The following COL22A1 variants were observed in gnomAD, a reference collection of about 807,000 sequenced individuals.
COL22A1 encodes collagen alpha-1(XXII) chain.
A neutral mutation model predicts 248.9 loss-of-function variants in COL22A1; 221 were observed. That is an observed-to-expected ratio of 0.89 (90% CI 0.80 to 0.99). COL22A1 has a LOEUF of 0.99. Among genes scored for constraint, COL22A1 ranks in the 50% least tolerant of loss-of-function variants. The pLI, the probability that COL22A1 is intolerant of heterozygous loss-of-function variation, is 0.00. For synonymous variants in COL22A1, 891 were observed against 793.4 expected (o/e 1.12, Z -2.07); for missense variants, 2,240 against 2,179.0 (o/e 1.03, Z -0.56).
At chr8:138,649,322 G>A (rs1203444863) in intron 46 of COL22A1, among the ~76,000 whole-genome samples, 1 of 152,204 alleles carries the variant, frequency 6.6e-6, no homozygotes, top group Non-Finnish European at 1.5e-5. Context: ...GCCTATCTTG[G>A]TGCCTATTAC....
chr8:138,640,159 A>T (rs1039884655), intron 47 of COL22A1, among the ~76,000 whole-genome samples: 1 of 152,212 alleles, frequency 6.6e-6, no homozygotes, highest in Admixed American at 6.5e-5. Context: ...AATGCTATTC[A>T]ATAATAAAAT....
chr8:138,699,336 A>C (rs1338477776), intron 32 of COL22A1, among the ~76,000 whole-genome samples: 1 of 152,212 alleles, frequency 6.6e-6, no homozygotes, highest in Non-Finnish European at 1.5e-5. Flanking sequence ...TTAAAATGGA[A>C]TCGACTTAAT....
At chr8:138,733,652 G>A (rs4577991) in intron 23 of COL22A1, among the ~76,000 whole-genome samples, 1 of 152,182 alleles carries the variant, frequency 6.6e-6, no homozygotes, top group Non-Finnish European at 1.5e-5. Context: ...TTCCAGGTCA[G>A]TGTCAAGATC....
chr8:138,693,397 C>T (rs1827239725), intron 35 of COL22A1, among the ~76,000 whole-genome samples: 1 of 152,208 alleles, frequency 6.6e-6, no homozygotes, highest in Admixed American at 6.5e-5. Context: ...TGTGTCTCAT[C>T]CACATGTGCA....
chr8:138,807,578 T>C (rs1299211422), intron 10 of COL22A1, among the ~76,000 whole-genome samples, 190 bp downstream of exon 10: 1 of 152,028 alleles, frequency 6.6e-6, no homozygotes, highest in Non-Finnish European at 1.5e-5. Flanking sequence ...GAACTGGAGG[T>C]TCTGGGCAGT....
intron 27 of COL22A1, among the ~76,000 whole-genome samples, chr8:138,720,135 C>G (rs1321777387): frequency 2.0e-5 from 3 of 152,164 alleles, no homozygotes; most frequent in Non-Finnish European, 4.4e-5. Flanking sequence ...AGGGGCTGCC[C>G]TGTCCAAGTC....
At chr8:138,845,811 T>C (rs1821203633) in intron 3 of COL22A1, among the ~76,000 whole-genome samples, 1 of 152,186 alleles carries the variant, frequency 6.6e-6, no homozygotes, top group Admixed American at 6.5e-5. Context: ...AAGGAGGTTC[T>C]GTATTCTCAT....
intron 25 of COL22A1, among the ~76,000 whole-genome samples, chr8:138,723,704 CCA>C (rs1830081112): frequency 6.6e-6 from 1 of 152,196 alleles, no homozygotes; most frequent in African/African-American, 2.4e-5. Context: ...AGTGTTCCTC[CCA>C]CACGCAATCA....
rs1173353118 is a variant in COL22A1 at position 138,664,209 on chromosome 8, GCACACACACACACA to G, written c.3151-483_3151-470del. 3.0e-3 allele frequency among the ~76,000 whole-genome samples: 307 copies of G among 103,206 alleles called. 2 individuals carry two copies. The highest frequency in any genetic ancestry group is 6.6e-3 in the African/African-American group (165 of 24,862). The allele number at this position is 103,206 out of a possible 152,430, so 67.7% of individuals were successfully genotyped here. Reference sequence around the variant, plus strand: ...CAACAAGGGGTGCGCGCGCGCGCGCGCACACACACACACACACACACACACACACACACACACAC... The same window carrying G: ...CAACAAGGGGTGCGCGCGCGCGCGCGCACACACACACACACACACACACAC... On this transcript the variant is annotated intron_variant, in intron 41 of 64. Coordinates refer to ENST00000303045, the MANE Select transcript of COL22A1 (RefSeq NM_152888.3).
At chr8:138,858,750 A>G (rs1267794501) in intron 3 of COL22A1, among the ~76,000 whole-genome samples, 3 of 152,166 alleles carry the variant, frequency 2.0e-5, no homozygotes, top group African/African-American at 7.2e-5. Context: ...AAACCAAACA[A>G]AAACAAAGCA....
chr8:138,694,707 T>A, intron 33 of COL22A1, 119 bp downstream of exon 33: 1 of 1,392,244 alleles, frequency 7.2e-7, no homozygotes, highest in Non-Finnish European at 1.0e-6. Flanking sequence ...AGGGCTGCCT[T>A]CCATTCAGTG....
intron 32 of COL22A1, among the ~76,000 whole-genome samples, chr8:138,696,278 C>T (rs1827495288): frequency 6.6e-6 from 1 of 152,160 alleles, no homozygotes; most frequent in East Asian, 1.9e-4. Context: ...GGACATCGGG[C>T]TCCCCTGCCA....
intron 23 of COL22A1, among the ~76,000 whole-genome samples, chr8:138,732,198 T>C (rs1385131901): frequency 6.6e-6 from 1 of 152,216 alleles, no homozygotes; most frequent in Non-Finnish European, 1.5e-5. Context: ...CACATTATTG[T>C]CCTTTTATAG....
chr8:138,677,387 G>A (rs1274527396), intron 40 of COL22A1, among the ~76,000 whole-genome samples: 1 of 152,214 alleles, frequency 6.6e-6, no homozygotes, highest in East Asian at 1.9e-4. Flanking sequence ...TAGGAGTTGT[G>A]TTTGCTTCTG....
rs72731626 is a variant in COL22A1 at position 138,837,752 on chromosome 8, C to A, written c.734-4602G>T. 2.2e-3 allele frequency among the ~76,000 whole-genome samples: 341 copies of A among 152,248 alleles called. 2 individuals are homozygous for A. In the Middle Eastern group the frequency reaches 0.024, roughly 11 times the overall value. The stretch of plus-strand genomic sequence containing the variant: ...TGAAGACCTGGAGGGCCCTGCGGTT[C>A]CAGGGTTCCATGAAACTGGTGCCTA... On this transcript the variant is annotated intron_variant, in intron 4 of 64. Transcript: ENST00000303045.
chr8:138,853,087 A>T (rs1821763104), intron 3 of COL22A1, among the ~76,000 whole-genome samples: 1 of 152,094 alleles, frequency 6.6e-6, no homozygotes, highest in Non-Finnish European at 1.5e-5. Flanking sequence ...GAGGCAGAGA[A>T]TCACTTGAAC....
chr8:138,909,042 C>T (rs4736204), intron 1 of COL22A1, among the ~76,000 whole-genome samples: 33,759 of 152,136 alleles, frequency 0.22, 3,912 homozygotes, highest in Middle Eastern at 0.35. Context: ...CTGTGATAGA[C>T]GTACTGCAGC....
chr8:138,641,137 A>G (rs900340054), intron 47 of COL22A1, among the ~76,000 whole-genome samples: 7 of 152,220 alleles, frequency 4.6e-5, no homozygotes, highest in African/African-American at 1.7e-4. Context: ...GAACCGTGGC[A>G]GTTACAGACG....
chr8:138,636,911 GTTC>G, intron 47 of COL22A1, 116 bp from the exon 48 acceptor site: 1 of 872,606 alleles, frequency 1.1e-6, no homozygotes, highest in Non-Finnish European at 1.9e-6. Context: ...CTCTTATCAA[GTTC>G]CTGTGGTAGC....
Sources: allele counts gnomAD v4.1 joint callset (sites outside exome capture counted in the v4.1 genomes callset), GRCh38; gene constraint gnomAD v4.1.1; transcripts MANE v1.5; gene names NCBI Gene and HGNC (gene_info 2026-07-23, HGNC 2026-07-21).